B4GALT1: variants seen among roughly 807,000 people sequenced by gnomAD.
The protein encoded by B4GALT1 is N-acetyllactosamine synthase.
B4GALT1 carries 16 observed loss-of-function variants against 34.9 expected under a neutral mutation model. The observed-to-expected ratio is 0.46, with a 90% CI of 0.31 to 0.70. B4GALT1 has a LOEUF of 0.70. Among genes scored for constraint, B4GALT1 ranks in the 30% least tolerant of loss-of-function variants. B4GALT1 has a pLI of 0.05. For missense variants in B4GALT1, 445 were observed against 530.5 expected (o/e 0.84, Z 1.58); for synonymous variants, 221 against 218.1 (o/e 1.01, Z -0.12).
chr9:33,171,970 T>A (rs1171935871), upstream of B4GALT1, among the ~76,000 whole-genome samples: 1 of 152,206 alleles, frequency 6.6e-6, no homozygotes, highest in Non-Finnish European at 1.5e-5. Context: ...AATACATTAG[T>A]GTCTTCTTAA....
chr9:33,158,854 T>C (rs1196837822), intron 1 of B4GALT1, among the ~76,000 whole-genome samples: 1 of 152,220 alleles, frequency 6.6e-6, no homozygotes, highest in Non-Finnish European at 1.5e-5. Flanking sequence ...TGTCTATCTC[T>C]CACACTTCAT....
chr9:33,181,169 C>T, the B4GALT1 span, among the ~76,000 whole-genome samples: 9 of 152,186 alleles, frequency 5.9e-5, no homozygotes, highest in Admixed American at 4.6e-4. Context: ...CCTGTAATCT[C>T]AGCACTTCAA....
chr9:33,112,998 A>T lies in B4GALT1; in HGVS notation c.*456T>A, dbSNP rs1839885862. 2.3e-5 allele frequency: 6 copies of T among 264,334 alleles called. No individual in the cohort carries two copies. The South Asian group carries it at 2.4e-4, about 11-fold the overall frequency. The allele number at this position is 264,334 out of a possible 1,614,324, so 16.4% of individuals were successfully genotyped here. A position where few individuals can be genotyped will look rare whatever the true frequency, so the allele number is the denominator to read the frequency against. ...GGACGTAACATTAAGAATGGTTGAAATTTTGTGTTTTTCTGTTAAATTACA... is the reference window on the plus strand; with the variant it reads ...GGACGTAACATTAAGAATGGTTGAATTTTTGTGTTTTTCTGTTAAATTACA... On this transcript the variant is annotated 3_prime_UTR_variant, in exon 6 of 6. Coordinates refer to ENST00000379731, the MANE Select transcript of B4GALT1 (RefSeq NM_001497.4).
intron 1 of B4GALT1, among the ~76,000 whole-genome samples, chr9:33,160,021 C>T (rs1284703306): frequency 6.6e-6 from 1 of 152,206 alleles, no homozygotes; most frequent in Non-Finnish European, 1.5e-5. Flanking sequence ...ACTTCCTGGA[C>T]CTAGTTTCTT....
At chr9:33,155,084 G>A (rs1017108465) in intron 1 of B4GALT1, among the ~76,000 whole-genome samples, 4 of 152,154 alleles carry the variant, frequency 2.6e-5, no homozygotes, top group Non-Finnish European at 5.9e-5. Context: ...GCCATTTAGC[G>A]ATGCTGAGCA....
In B4GALT1 at chr9:33,167,060, G is replaced by T; in HGVS notation, c.110C>A (p.Thr37Asn). 6.2e-7 allele frequency: 1 copy of T among 1,602,758 alleles called. No homozygotes were observed. The highest frequency in any genetic ancestry group is 8.5e-7 in the Non-Finnish European group (1 of 1,179,030). Residue 37 changes from threonine to asparagine, a missense_variant, in exon 1 of 6, where the codon ACC becomes AAC. Physicochemically the swap from Thr to Asn is moderately conservative, Grantham distance 65. Around this residue, in one of 3 missense-constraint regions of B4GALT1, gnomAD observed 349 missense variants for 395.5 expected, o/e 0.88. Coordinates refer to ENST00000379731, the MANE Select transcript of B4GALT1 (RefSeq NM_001497.4). ...VAVCALHLGV[T>N]LVYYLAGRDL... ...GCGGCCAGCCAGGTAGTAAACGAGG[G>T]TGACGCCAAGGTGCAGAGCGCAGAC... is the stretch of plus-strand genomic sequence containing the variant.
chr9:33,134,933 G>C (rs982346085), intron 2 of B4GALT1, among the ~76,000 whole-genome samples: 9 of 152,136 alleles, frequency 5.9e-5, no homozygotes, highest in African/African-American at 1.9e-4. Context: ...TTGCTGGAAG[G>C]CTACTTCCAG....
At chr9:33,166,360 TCAGTCCC>T (rs937216819) in intron 1 of B4GALT1, among the ~76,000 whole-genome samples, 5 of 151,838 alleles carry the variant, frequency 3.3e-5, no homozygotes, top group Admixed American at 3.3e-4. Context: ...GAGCCTCACG[TCAGTCCC>T]CAAAAGGGAG....
intron 1 of B4GALT1, among the ~76,000 whole-genome samples, chr9:33,143,161 T>A (rs1587741832): frequency 1.3e-5 from 2 of 151,678 alleles, no homozygotes; most frequent in Middle Eastern, 6.8e-3. Context: ...AAAAAAATAA[T>A]AAAAAATAAA....
intron 1 of B4GALT1, among the ~76,000 whole-genome samples, chr9:33,138,070 G>A (rs1261410552): frequency 1.3e-5 from 2 of 152,252 alleles, no homozygotes; most frequent in East Asian, 3.8e-4. Context: ...TCACCCTGCC[G>A]ACTTGCTCGT....
At chr9:33,109,616 G>A (rs2117980730), downstream of B4GALT1, among the ~76,000 whole-genome samples, 1 of 152,350 alleles carries the variant, frequency 6.6e-6, no homozygotes, top group South Asian at 2.1e-4. Flanking sequence ...CAGCCTGGGT[G>A]ACACAGCAAG....
At chr9:33,161,712 T>C (rs1840677852) in intron 1 of B4GALT1, among the ~76,000 whole-genome samples, 1 of 152,160 alleles carries the variant, frequency 6.6e-6, no homozygotes, top group South Asian at 2.1e-4. Context: ...GGCAGACCAT[T>C]TGTCCTAAAA....
Position 33,110,791 on chromosome 9 carries a change from C to T in B4GALT1, c.*2663G>A, listed in dbSNP as rs1486292161. 6.6e-6 allele frequency: 1 copy of T among 152,198 alleles called. No homozygotes were observed. The highest frequency in any genetic ancestry group is 1.9e-4 in the East Asian group (1 of 5,202). The allele number at this position is 152,198 out of a possible 1,614,324, so 9.4% of individuals were successfully genotyped here. A position where few individuals can be genotyped will look rare whatever the true frequency, so the allele number is the denominator to read the frequency against. On this transcript the variant is annotated 3_prime_UTR_variant, in exon 6 of 6. Coordinates refer to ENST00000379731, the MANE Select transcript of B4GALT1 (RefSeq NM_001497.4). ...ACACAGGAAATCAAAATACACAGCA[C>T]AACAGGTCTCTGGGACATGAAAGCC...
chr9:33,184,253 T>TAGACAC, the B4GALT1 span, among the ~76,000 whole-genome samples: 13,260 of 147,194 alleles, frequency 0.09, 1,092 homozygotes, highest in African/African-American at 0.23. Context: ...GTCACTCTTG[T>TAGACAC]ACACACACAC....
At chr9:33,154,837 G>T (rs1564052408) in intron 1 of B4GALT1, among the ~76,000 whole-genome samples, 1 of 146,902 alleles carries the variant, frequency 6.8e-6, no homozygotes, top group Non-Finnish European at 1.5e-5. Context: ...AAAATATTGA[G>T]TTTTTTTTTT....
the B4GALT1 span, among the ~76,000 whole-genome samples, chr9:33,181,453 C>CAAACAA: frequency 1.0e-3 from 157 of 151,196 alleles, 1 homozygote; most frequent in African/African-American, 3.6e-3. Flanking sequence ...CACACACACA[C>CAAACAA]ACACACAAAC....
chr9:33,171,790 C>T (rs1284620093), upstream of B4GALT1, among the ~76,000 whole-genome samples: 10 of 152,282 alleles, frequency 6.6e-5, no homozygotes, highest in South Asian at 1.0e-3. Context: ...CCTGAGCTCA[C>T]GCAGTCTTCC....
chr9:33,169,068 C>A (rs114133262), upstream of B4GALT1, among the ~76,000 whole-genome samples: 990 of 152,306 alleles, frequency 6.5e-3, 13 homozygotes, highest in African/African-American at 0.023. Flanking sequence ...ATGTAACCAT[C>A]CTCGATCAAG....
At position 33,120,596 on chromosome 9, in the gene B4GALT1, G is replaced by C. The variant is rs758418597; in HGVS notation, c.659C>G (p.Thr220Ser). 1 of 1,614,174 alleles carries C rather than the reference G, an allele frequency of 6.2e-7. No individual in the cohort carries two copies. The highest frequency in any genetic ancestry group is 8.5e-7 in the Non-Finnish European group (1 of 1,180,024). ...GIYVINQAGD[T>S]IFNRAKLLNV... ...GAGGAGCTTAGCACGATTGAATATAGTGTCTCCCGCCTGGTGCAGAAACAA... is the reference window on the plus strand; with the variant it reads ...GAGGAGCTTAGCACGATTGAATATACTGTCTCCCGCCTGGTGCAGAAACAA... The change falls in exon 3 of 6, where the codon ACT (threonine) becomes AGT (serine). Residue 220 changes from threonine (T) to serine (S), a missense_variant. Thr to Ser is a moderately conservative substitution (Grantham distance 58). This residue lies in a region of B4GALT1 where 349 missense variants were observed against 395.5 expected (regional missense o/e 0.88). Coordinates refer to ENST00000379731, the MANE Select transcript of B4GALT1 (RefSeq NM_001497.4).
Sources: allele counts gnomAD v4.1 joint callset (sites outside exome capture counted in the v4.1 genomes callset), GRCh38; gene constraint gnomAD v4.1.1; regional missense constraint gnomAD v4.1.1; transcripts MANE v1.5; gene names NCBI Gene and HGNC (gene_info 2026-07-23, HGNC 2026-07-21).